The following NHSL1 variants were observed in gnomAD, a reference collection of about 807,000 sequenced individuals.
NHSL1 encodes the protein NHS-like protein 1.
A neutral mutation model predicts 95.0 loss-of-function variants in NHSL1; 48 were observed. The ratio of observed to expected loss-of-function variants is 0.51; its 90% confidence interval spans 0.40 to 0.64. NHSL1 has a LOEUF of 0.64. NHSL1 is among the 30% of genes least tolerant of loss of function. The probability of loss-of-function intolerance (pLI) is 0.00; values close to 1 mark genes in which losing one functional copy is unlikely to be tolerated. For synonymous variants in NHSL1, 783 were observed against 833.9 expected, an observed-to-expected ratio of 0.94 and a Z score of 1.05; for missense variants, 1,971 against 2,077.7, an observed-to-expected ratio of 0.95 and a Z score of 1.00.
At chr6:138,453,668 T>TTA (rs1179679297) in intron 3 of NHSL1, among the ~76,000 whole-genome samples, 1 of 151,898 alleles carries the variant, frequency 6.6e-6, no homozygotes, top group East Asian at 1.9e-4. Flanking sequence ...CACCTCAGCC[T>TTA]CCCGAGTAAC....
At chr6:138,433,776 T>A in intron 5 of NHSL1, 96 bp from the exon 6 acceptor site, 1 of 1,399,082 alleles carries the variant, frequency 7.1e-7, no homozygotes, top group Non-Finnish European at 9.3e-7. Context: ...TAAAAAAATT[T>A]TTCTATTTGA....
chr6:138,445,084 G>C (rs1000340296), intron 4 of NHSL1, among the ~76,000 whole-genome samples: 4 of 152,118 alleles, frequency 2.6e-5, no homozygotes, highest in African/African-American at 9.7e-5. Context: ...AAAGCTCAGA[G>C]ACATGACACT....
chr6:138,534,806 A>G (rs1013492433), intron 1 of NHSL1, among the ~76,000 whole-genome samples: 1 of 152,314 alleles, frequency 6.6e-6, no homozygotes, highest in South Asian at 2.1e-4. Flanking sequence ...TAAGGAAAAG[A>G]TGGAGGGGTC....
chr6:138,599,461 G>A lies in NHSL1; in HGVS notation c.96+93015C>T, dbSNP rs192051222. ...CAGGAGACTGAGGCTGCAGTGAGCC[G>A]AGACTGCACCATTGCACTCCAGCCT... On this transcript the variant is annotated intron_variant, in intron 1 of 3. Transcript: ENST00000491526. Among the ~76,000 whole-genome samples, 226 of 152,056 alleles carry A rather than the reference G, an allele frequency of 1.5e-3. 1 individual carries two copies. Among genetic ancestry groups the A allele is most frequent in the Admixed American group, 4.1e-3 (62 of 15,274 alleles).
intron 1 of NHSL1, chr6:138,650,096 A>G (rs1007556435): frequency 3.3e-5 from 17 of 515,190 alleles, no homozygotes; most frequent in Middle Eastern, 3.0e-4. Context: ...TGGAAACTGA[A>G]GCCCGGCTGG....
At chr6:138,479,632 T>C (rs1360459327) in intron 2 of NHSL1, among the ~76,000 whole-genome samples, 1 of 152,248 alleles carries the variant, frequency 6.6e-6, no homozygotes, top group Non-Finnish European at 1.5e-5. Context: ...AATTTTCCAT[T>C]TAAAATTTTC....
At chr6:138,664,984 C>CATCT (rs1177518787) in intron 1 of NHSL1, among the ~76,000 whole-genome samples, 3 of 152,214 alleles carry the variant, frequency 2.0e-5, no homozygotes, top group Admixed American at 2.0e-4. Context: ...TTCACAGCAA[C>CATCT]ATCTAATCTG....
intron 5 of NHSL1, among the ~76,000 whole-genome samples, chr6:138,437,770 C>A (rs1406179165): frequency 1.3e-5 from 2 of 152,058 alleles, no homozygotes; most frequent in Non-Finnish European, 2.9e-5. Flanking sequence ...TTCCAGCTCT[C>A]GTAGATAACT....
At chr6:138,533,751 G>A (rs76684437) in intron 1 of NHSL1, among the ~76,000 whole-genome samples, 4,274 of 152,258 alleles carry the variant, frequency 0.028, 82 homozygotes, top group South Asian at 0.048. Flanking sequence ...TTTCCTTGGT[G>A]AGTAAATCCT....
intron 1 of NHSL1, among the ~76,000 whole-genome samples, chr6:138,567,679 A>T (rs1783671228): frequency 6.6e-6 from 1 of 151,992 alleles, no homozygotes; most frequent in Non-Finnish European, 1.5e-5. Context: ...CACACTCAAA[A>T]ATTGATTATC....
chr6:138,642,857 G>A (rs927935958), intron 1 of NHSL1, among the ~76,000 whole-genome samples: 1 of 152,106 alleles, frequency 6.6e-6, no homozygotes, highest in African/African-American at 2.4e-5. Context: ...TCATACAAAG[G>A]AAGCTTGAGA....
chr6:138,465,717 T>C (rs1349988048), intron 3 of NHSL1, among the ~76,000 whole-genome samples: 1 of 147,666 alleles, frequency 6.8e-6, no homozygotes, highest in Non-Finnish European at 1.5e-5. Context: ...ACACTTTTTT[T>C]TCTTTTCTTT....
intron 1 of NHSL1, among the ~76,000 whole-genome samples, chr6:138,555,650 G>A (rs1032912381): frequency 1.3e-5 from 2 of 152,134 alleles, no homozygotes; most frequent in African/African-American, 4.8e-5. Context: ...CAGGACTGGC[G>A]TTCTTCCTCT....
chr6:138,636,394 T>C (rs1348104934), intron 1 of NHSL1, among the ~76,000 whole-genome samples: 1 of 152,118 alleles, frequency 6.6e-6, no homozygotes, highest in Non-Finnish European at 1.5e-5. Context: ...TTGTTCAACA[T>C]AGTACTGGAA....
At chr6:138,537,884 C>T (rs1782422207) in intron 1 of NHSL1, among the ~76,000 whole-genome samples, 1 of 152,102 alleles carries the variant, frequency 6.6e-6, no homozygotes. Context: ...AGTCTTGGGG[C>T]TGCAGAGATC....
intron 1 of NHSL1, among the ~76,000 whole-genome samples, chr6:138,687,965 T>C (rs12524822): frequency 1.4e-5 from 2 of 142,512 alleles, no homozygotes; most frequent in Non-Finnish European, 3.0e-5. Flanking sequence ...CTTTTTTTTT[T>C]TGGGGACACA....
At chr6:138,570,990 T>TACCC (rs528876780) in intron 1 of NHSL1, among the ~76,000 whole-genome samples, 7 of 152,024 alleles carry the variant, frequency 4.6e-5, no homozygotes, top group Non-Finnish European at 1.0e-4. Flanking sequence ...AAAATAGGGG[T>TACCC]GTGTTAAGAA....
chr6:138,474,076 C>T (rs373569995), intron 2 of NHSL1, among the ~76,000 whole-genome samples: 2 of 152,208 alleles, frequency 1.3e-5, no homozygotes, highest in South Asian at 2.1e-4. Flanking sequence ...CCATGGATCT[C>T]GGGGTACTGG....
Position 138,432,157 on chromosome 6 carries a change from C to T in NHSL1, c.2188G>A (p.Glu730Lys). ...PSQSPCSDLE[E>K]PWLPRSRSQS... ...CTCCGGGAGCGGGGCAGCCAGGGCT[C>T]TTCCAAGTCACTGCAGGGGCTCTGG... Residue 730 changes from glutamate to lysine, a missense_variant, in exon 6 of 8, where the codon GAG becomes AAG. Coordinates refer to ENST00000343505, the MANE Select transcript of NHSL1 (RefSeq NM_001144060.2). The surrounding 1 kb of genome is among the most constrained non-coding windows in gnomAD (Gnocchi z 4.4). 1 of 1,548,420 alleles carries T rather than the reference C, an allele frequency of 6.5e-7. No homozygotes were observed.
Sources: gnomAD v4.1 joint callset for allele counts (sites outside exome capture counted in the v4.1 genomes callset) on GRCh38, gnomAD v4.1.1 for gene constraint, Gnocchi (gnomAD v3.1) non-coding constraint, MANE v1.5 for transcripts, NCBI Gene and HGNC (gene_info 2026-07-23, HGNC 2026-07-21) for gene names.